STPG1: variants seen among roughly 807,000 people sequenced by gnomAD.
STPG1 encodes sperm tail PG-rich repeat containing 1, also known as O(6)-methylguanine-induced apoptosis 2.
Under a neutral mutation model 40.1 loss-of-function variants are expected in STPG1, and 33 were observed. That is an observed-to-expected ratio of 0.82 (90% CI 0.62 to 1.10). The LOEUF (loss-of-function observed/expected upper bound fraction) is 1.10. Among genes scored for constraint, STPG1 ranks in the 50% least tolerant of loss-of-function variants. The pLI, the probability that STPG1 is intolerant of heterozygous loss-of-function variation, is 0.00. For synonymous variants in STPG1, 150 were observed against 155.0 expected, an observed-to-expected ratio of 0.97 and a Z score of 0.24; for missense variants, 396 against 415.1, an observed-to-expected ratio of 0.95 and a Z score of 0.40.
intron 2 of STPG1, among the ~76,000 whole-genome samples, chr1:24,394,077 G>A (rs944111595): frequency 1.3e-5 from 2 of 152,204 alleles, no homozygotes; most frequent in African/African-American, 4.8e-5. Context: ...CCTGGGTATT[G>A]ACCAACACAT....
rs1640763840 is a variant in STPG1 at position 24,357,063 on chromosome 1, A to C, written c.*1480T>G. 2 of 141,162 alleles carry C rather than the reference A, an allele frequency of 1.4e-5. No individual in the cohort carries two copies. The highest frequency in any genetic ancestry group is 2.6e-4 in the South Asian group (1 of 3,796). 8.7% of individuals were successfully genotyped at this position (141,162 alleles called of 1,614,324 possible). Reference sequence around the variant, plus strand: ...AAATTAAGGCCCCCCCCCCCAAAAAAAAAATCCATGGTGAACAAAACATCA... The same window carrying C: ...AAATTAAGGCCCCCCCCCCCAAAAACAAAATCCATGGTGAACAAAACATCA... On this transcript the variant is annotated 3_prime_UTR_variant, in exon 9 of 9. Transcript: ENST00000337248.
intron 6 of STPG1, 116 bp from the exon 7 acceptor site, chr1:24,369,955 G>T: frequency 1.2e-6 from 1 of 866,256 alleles, no homozygotes; most frequent in Non-Finnish European, 1.7e-6. Context: ...CTCTAGGATG[G>T]CCAAGTGGAA....
At chr1:24,404,176 T>C (rs1643331825) in intron 1 of STPG1, among the ~76,000 whole-genome samples, 1 of 152,224 alleles carries the variant, frequency 6.6e-6, no homozygotes. Flanking sequence ...TTTTTCCGCA[T>C]CTATGGAGAT....
In STPG1 at chr1:24,379,453, T is replaced by C. The variant is rs1041618944; in HGVS notation, c.462+200A>G. On this transcript the variant is annotated intron_variant, in intron 5 of 8. Coordinates refer to ENST00000337248, the MANE Select transcript of STPG1 (RefSeq NM_001199013.2). The stretch of plus-strand genomic sequence containing the variant: ...CCCCACAGCTTGATACTGGCCTCCA[T>C]GTTGCCCATCCTGATCTCTGGGGTC... 7 of 580,844 alleles carry C rather than the reference T, an allele frequency of 1.2e-5. No individual in the cohort carries two copies. In the Admixed American group the frequency reaches 1.8e-4, roughly 15 times the overall value. The allele number at this position is 580,844 out of a possible 1,614,324, so 36.0% of individuals were successfully genotyped here. A position where few individuals can be genotyped will look rare whatever the true frequency, so the allele number is the denominator to read the frequency against.
intron 3 of STPG1, among the ~76,000 whole-genome samples, chr1:24,385,365 A>C (rs1447879659): frequency 1.3e-5 from 2 of 152,282 alleles, no homozygotes; most frequent in South Asian, 2.1e-4. Flanking sequence ...AGAGGAACTG[A>C]CTGCCATGGA....
At chr1:24,404,105 C>G (rs929865453) in intron 1 of STPG1, among the ~76,000 whole-genome samples, 1 of 152,056 alleles carries the variant, frequency 6.6e-6, no homozygotes, top group African/African-American at 2.4e-5. Flanking sequence ...AGCTCGTTAT[C>G]ACTTCTAATC....
intron 3 of STPG1, among the ~76,000 whole-genome samples, chr1:24,389,164 T>A (rs555040648): frequency 6.6e-6 from 1 of 152,190 alleles, no homozygotes; most frequent in Non-Finnish European, 1.5e-5. Context: ...CCTCCTTGGT[T>A]CCTTTAGTCA....
At chr1:24,413,929 G>A (rs1318696138), upstream of STPG1, 2 of 152,214 alleles carry the variant, frequency 1.3e-5, no homozygotes, top group African/African-American at 4.8e-5. Context: ...CTAATAAGAG[G>A]TTTATCTAGG....
intron 5 of STPG1, among the ~76,000 whole-genome samples, chr1:24,375,255 C>CATTTAAATT (rs1641968616): frequency 6.6e-6 from 1 of 152,124 alleles, no homozygotes; most frequent in Non-Finnish European, 1.5e-5. Context: ...TGCCAATTTG[C>CATTTAAATT]GGTCTCCTGT....
At chr1:24,370,860 A>AT (rs1641707229) in intron 6 of STPG1, among the ~76,000 whole-genome samples, 2 of 152,012 alleles carry the variant, frequency 1.3e-5, no homozygotes, top group South Asian at 4.2e-4. Flanking sequence ...AGCTCAAGCA[A>AT]TCCCCCCACC....
intron 7 of STPG1, 25 bp from the exon 8 acceptor site, chr1:24,361,066 A>G (rs376495615): frequency 1.1e-4 from 170 of 1,588,356 alleles, no homozygotes; most frequent in Middle Eastern, 6.7e-4. Context: ...AAACGGGAAG[A>G]TGTCACTAAG....
At chr1:24,382,522 G>A (rs893586770) in intron 4 of STPG1, among the ~76,000 whole-genome samples, 3 of 151,930 alleles carry the variant, frequency 2.0e-5, no homozygotes, top group African/African-American at 7.3e-5. Context: ...GCAGGATCAG[G>A]TCTGAAGTCT....
At chr1:24,371,534 T>C (rs943291877) in intron 6 of STPG1, among the ~76,000 whole-genome samples, 20 of 149,174 alleles carry the variant, frequency 1.3e-4, no homozygotes, top group African/African-American at 4.7e-4. Flanking sequence ...AAGGTTGCAG[T>C]GAGCCGAGAT....
At chr1:24,387,917 G>A (rs1044302264) in intron 3 of STPG1, among the ~76,000 whole-genome samples, 1 of 152,116 alleles carries the variant, frequency 6.6e-6, no homozygotes, top group African/African-American at 2.4e-5. Flanking sequence ...AACATCCCTG[G>A]TCTAGTGTCA....
At chr1:24,400,644 C>A (rs1643186208) in intron 2 of STPG1, among the ~76,000 whole-genome samples, 1 of 152,162 alleles carries the variant, frequency 6.6e-6, no homozygotes, top group Non-Finnish European at 1.5e-5. Flanking sequence ...TGGTAACAGC[C>A]TCGAAAGAAA....
intron 1 of STPG1, among the ~76,000 whole-genome samples, chr1:24,413,329 G>GA (rs1643819744): frequency 6.6e-6 from 1 of 152,204 alleles, no homozygotes; most frequent in South Asian, 2.1e-4. Flanking sequence ...GGTCTTTGGC[G>GA]TCCACCCACT....
At chr1:24,375,173 G>C (rs1641964501) in intron 5 of STPG1, among the ~76,000 whole-genome samples, 1 of 152,116 alleles carries the variant, frequency 6.6e-6, no homozygotes, top group Non-Finnish European at 1.5e-5. Flanking sequence ...GATGTGTTCA[G>C]AACTCTAAAA....
intron 3 of STPG1, 164 bp downstream of exon 3, chr1:24,391,397 A>G: frequency 2.1e-6 from 1 of 468,246 alleles, no homozygotes; most frequent in Non-Finnish European, 3.8e-6. Context: ...TCGTTCTTAC[A>G]GTTAGTCCAG....
intron 2 of STPG1, among the ~76,000 whole-genome samples, chr1:24,393,827 C>G (rs1642879355): frequency 6.6e-6 from 1 of 152,162 alleles, no homozygotes; most frequent in Non-Finnish European, 1.5e-5. Flanking sequence ...CTGAGAGAAG[C>G]AAAGTAAATG....
Sources: gnomAD v4.1 joint callset for allele counts (sites outside exome capture counted in the v4.1 genomes callset) on GRCh38, gnomAD v4.1.1 for gene constraint, MANE v1.5 for transcripts, NCBI Gene and HGNC (gene_info 2026-07-23, HGNC 2026-07-21) for gene names.